The following PDS5A variants were observed in gnomAD, a reference collection of about 807,000 sequenced individuals.
The protein encoded by PDS5A is PDS5 cohesin associated factor A, also known as sister chromatid cohesion protein PDS5 homolog A.
A neutral mutation model predicts 167.1 loss-of-function variants in PDS5A; 42 were observed. The ratio of observed to expected loss-of-function variants is 0.25; its 90% CI spans 0.20 to 0.33. PDS5A has a LOEUF of 0.33. Among genes scored for constraint, PDS5A ranks in the 10% least tolerant of loss-of-function variants. The pLI is 1.00. For synonymous variants in PDS5A, 553 were observed against 554.6 expected, an observed-to-expected ratio of 1.00 and a Z score of 0.04; for missense variants, 1,033 against 1,605.9, an observed-to-expected ratio of 0.64 and a Z score of 6.10.
intron 16 of PDS5A, among the ~76,000 whole-genome samples, chr4:39,890,899 G>A (rs1178414479): frequency 6.6e-6 from 1 of 151,996 alleles, no homozygotes; most frequent in Admixed American, 6.6e-5. Flanking sequence ...TTACAGGCGT[G>A]AGCCACCACA....
In PDS5A at chr4:39,968,932, C is replaced by T. The variant is rs187151102; in HGVS notation, c.138+7508G>A. 2.5e-3 allele frequency among the ~76,000 whole-genome samples: 380 copies of T among 152,066 alleles called. 2 individuals are homozygous for T. The highest frequency in any genetic ancestry group is 6.7e-3 in the African/African-American group (277 of 41,470). ...CTGGGATTACAGGCATGTGCCACCA[C>T]ACCCAACTAATTTTATATTTTTAGT... On this transcript the variant is annotated intron_variant, in intron 2 of 32. Transcript: ENST00000303538.
chr4:39,870,456 G>A lies in PDS5A; in HGVS notation c.2437-994C>T, dbSNP rs947488828. On this transcript the variant is annotated intron_variant, in intron 21 of 32. Coordinates refer to ENST00000303538, the MANE Select transcript of PDS5A (RefSeq NM_001100399.2). ...ACAAAAATTAGCCAGGCATGGTGGC[G>A]TGTGCTGATAGTCCCAGCTACTCAG... 5.3e-5 allele frequency among the ~76,000 whole-genome samples: 8 copies of A among 152,206 alleles called. No homozygotes were observed. In the South Asian group the frequency reaches 1.2e-3, roughly 24 times the overall value.
At chr4:39,962,088 C>T (rs1156362297) in intron 2 of PDS5A, among the ~76,000 whole-genome samples, 2 of 150,978 alleles carry the variant, frequency 1.3e-5, no homozygotes, top group South Asian at 2.1e-4. Context: ...GACGTAGTCT[C>T]GCTCTGTTGC....
intron 7 of PDS5A, among the ~76,000 whole-genome samples, chr4:39,917,643 C>T (rs1013041382): frequency 1.3e-5 from 2 of 151,948 alleles, no homozygotes; most frequent in Non-Finnish European, 2.9e-5. Flanking sequence ...GGCGTGATCT[C>T]GGCTTACTGC....
At chr4:39,921,959 T>C (rs1276122637) in intron 6 of PDS5A, among the ~76,000 whole-genome samples, 1 of 152,208 alleles carries the variant, frequency 6.6e-6, no homozygotes, top group African/African-American at 2.4e-5. Context: ...ATGAGTATAA[T>C]TGGACAGATT....
At chr4:39,888,296 G>A (rs1351194117) in intron 17 of PDS5A, among the ~76,000 whole-genome samples, 1 of 148,902 alleles carries the variant, frequency 6.7e-6, no homozygotes, top group African/African-American at 2.5e-5. Context: ...AGGGAATAAC[G>A]GATGCCGGCG....
At chr4:39,958,680 T>A (rs904542243) in intron 2 of PDS5A, among the ~76,000 whole-genome samples, 2 of 151,456 alleles carry the variant, frequency 1.3e-5, no homozygotes, top group African/African-American at 4.8e-5. Context: ...AGTGGCACAA[T>A]CTCTGCTCAC....
At chr4:39,845,084 G>A (rs1048120702) in intron 29 of PDS5A, among the ~76,000 whole-genome samples, 8 of 151,992 alleles carry the variant, frequency 5.3e-5, no homozygotes, top group Non-Finnish European at 1.0e-4. Flanking sequence ...GGTATAAGCC[G>A]GTAGTCCCAT....
At chr4:39,852,789 T>G (rs190082625) in intron 26 of PDS5A, among the ~76,000 whole-genome samples, 3 of 152,252 alleles carry the variant, frequency 2.0e-5, no homozygotes, top group African/African-American at 7.2e-5. Context: ...TTGCGTTGAT[T>G]TAGTTTCTGG....
rs925237244 is a variant in PDS5A at position 39,824,745 on chromosome 4, T to C, written c.*740A>G. On this transcript the variant is annotated 3_prime_UTR_variant, in exon 33 of 33. Transcript: ENST00000303538. Reference sequence around the variant, plus strand: ...TATGAAACAAACAACAATATGTACATTTATTGCAAATTATATTAAACTAAA... The same window carrying C: ...TATGAAACAAACAACAATATGTACACTTATTGCAAATTATATTAAACTAAA... 6.6e-6 allele frequency: 1 copy of C among 152,626 alleles called. No homozygotes were observed. Among genetic ancestry groups the C allele is most frequent in the Non-Finnish European group, 1.5e-5 (1 of 68,040 alleles). The allele number at this position is 152,626 out of a possible 1,614,324, so 9.5% of individuals were successfully genotyped here.
At chr4:39,945,432 G>A (rs1455198505) in intron 2 of PDS5A, among the ~76,000 whole-genome samples, 2 of 140,682 alleles carry the variant, frequency 1.4e-5, no homozygotes, top group African/African-American at 2.7e-5. Context: ...TTGCACTCCA[G>A]CCTGGGCGAC....
At chr4:39,975,618 G>A (rs1731015029) in intron 2 of PDS5A, among the ~76,000 whole-genome samples, 3 of 152,080 alleles carry the variant, frequency 2.0e-5, no homozygotes, top group African/African-American at 4.8e-5. Context: ...TTTCCTAGCC[G>A]GACTCACTGC....
intron 2 of PDS5A, among the ~76,000 whole-genome samples, chr4:39,942,991 C>T (rs1188231033): frequency 1.3e-5 from 2 of 151,988 alleles, no homozygotes; most frequent in Non-Finnish European, 2.9e-5. Context: ...CACACTAAGA[C>T]ATATGTACAA....
chr4:39,838,230 C>A, intron 31 of PDS5A, 22 bp from the exon 32 acceptor site: 1 of 1,420,002 alleles, frequency 7.0e-7, no homozygotes, highest in Non-Finnish European at 9.5e-7. Context: ...CAAAACAATT[C>A]TATAAACACA....
chr4:39,849,434 T>C (rs1223360042), intron 27 of PDS5A, 86 bp downstream of exon 27: 33 of 655,000 alleles, frequency 5.0e-5, no homozygotes, highest in Middle Eastern at 2.7e-4. Context: ...TTACTACGTA[T>C]GGCCAAAAAA....
chr4:39,922,519 G>A, intron 6 of PDS5A, 103 bp downstream of exon 6: 1 of 1,031,206 alleles, frequency 9.7e-7, no homozygotes, highest in Non-Finnish European at 1.3e-6. Context: ...ACGGTCATGA[G>A]AACAATTACA....
chr4:39,874,332 G>C lies in PDS5A; in HGVS notation c.2234C>G (p.Ala745Gly). ...QAKQAVHCIH[A>G]IFTNKEVQLA... The stretch of plus-strand genomic sequence containing the variant: ...CTGGACTTCTTTATTTGTGAATATG[G>C]CGTGTATACAGTGCACAGCCTGTTT... Residue 745 changes from alanine to glycine, a missense_variant, in exon 20 of 33, where the codon GCC becomes GGC. Physicochemically the swap from Ala to Gly is moderately conservative, Grantham distance 60 (BLOSUM62 0). Coordinates refer to ENST00000303538, the MANE Select transcript of PDS5A (RefSeq NM_001100399.2). The C allele has an allele frequency of 6.2e-7, 1 of 1,612,892 alleles. No homozygotes were observed. The highest frequency in any genetic ancestry group is 8.5e-7 in the Non-Finnish European group (1 of 1,179,050).
At chr4:39,922,834 T>C in intron 5 of PDS5A, 86 bp from the exon 6 acceptor site, 1 of 1,320,242 alleles carries the variant, frequency 7.6e-7, no homozygotes, top group Non-Finnish European at 9.8e-7. Context: ...AACGTCCTAG[T>C]TTAAAACAAC....
chr4:39,875,321 T>G (rs1019412995), intron 19 of PDS5A, among the ~76,000 whole-genome samples: 1 of 152,172 alleles, frequency 6.6e-6, no homozygotes, highest in African/African-American at 2.4e-5. Flanking sequence ...AAAGTATATA[T>G]ATCAAATGTT....
Sources: allele counts gnomAD v4.1 joint callset (sites outside exome capture counted in the v4.1 genomes callset), GRCh38; gene constraint gnomAD v4.1.1; transcripts MANE v1.5; gene names NCBI Gene and HGNC (gene_info 2026-07-23, HGNC 2026-07-21).